The following USP13 variants were observed in gnomAD, a reference collection of about 807,000 sequenced individuals.
USP13 encodes ubiquitin carboxyl-terminal hydrolase 13.
A neutral mutation model predicts 107.8 loss-of-function variants in USP13; 68 were observed. The observed-to-expected ratio is 0.63, with a 90% CI of 0.52 to 0.77. USP13 has a LOEUF of 0.77. Ranked by LOEUF, USP13 falls within the 30% of genes least tolerant of loss-of-function variation. USP13 has a pLI of 0.00. For synonymous variants in USP13, 377 were observed against 389.5 expected (o/e 0.97, Z 0.38); for missense variants, 945 against 1,093.3 (o/e 0.86, Z 1.91).
intron 19 of USP13, among the ~76,000 whole-genome samples, chr3:179,768,918 A>T (rs1247695045): frequency 6.6e-6 from 1 of 152,212 alleles, no homozygotes; most frequent in Admixed American, 6.5e-5. Context: ...TTGTAAAAAA[A>T]TTAACACTTA....
At position 179,745,055 on chromosome 3, in the gene USP13, C is replaced by G. The variant is rs1174700205; in HGVS notation, c.1547C>G (p.Ala516Gly). 6.2e-7 allele frequency: 1 copy of G among 1,614,138 alleles called. No individual in the cohort carries two copies. Among genetic ancestry groups the G allele is most frequent in the South Asian group, 1.1e-5 (1 of 91,082 alleles). The change falls in exon 13 of 21, where the codon GCT becomes GGT. Residue 516 changes from alanine to glycine, a missense_variant. Coordinates refer to ENST00000263966, the MANE Select transcript of USP13 (RefSeq NM_003940.3). ...EAATNKDELI[A>G]YELTRREAEA... Reference sequence around the variant, plus strand: ...CTCTTTCACCCAGATGAACTGATCGCTTATGAACTAACGAGAAGGGAAGCA... The same window carrying G: ...CTCTTTCACCCAGATGAACTGATCGGTTATGAACTAACGAGAAGGGAAGCA...
intron 6 of USP13, among the ~76,000 whole-genome samples, chr3:179,716,235 T>A (rs1016609777): frequency 6.6e-6 from 1 of 151,882 alleles, no homozygotes; most frequent in Non-Finnish European, 1.5e-5. Context: ...TCCATAGTTT[T>A]AACACAAGGA....
At position 179,653,445 on chromosome 3, in the gene USP13, T is replaced by G; in HGVS notation, c.168+52T>G. ...CGCGGGGCCGGCGGCCTGCGGCACG[T>G]GAAGCCGGGGGAGAAGATGCGCAGT... On this transcript the variant is annotated intron_variant, in intron 1 of 20. Transcript: ENST00000263966. The surrounding 1 kb of genome is among the most constrained non-coding windows in gnomAD (Gnocchi z 4.0). 1.3e-6 allele frequency: 2 copies of G among 1,529,236 alleles called. No homozygotes were observed. The highest frequency in any genetic ancestry group is 5.1e-5 in the East Asian group (2 of 39,580). The allele number at this position is 1,529,236 out of a possible 1,614,324, so 94.7% of individuals were successfully genotyped here. A position where few individuals can be genotyped will look rare whatever the true frequency, so the allele number is the denominator to read the frequency against.
chr3:179,764,304 G>A, intron 18 of USP13, 136 bp downstream of exon 18: 1 of 1,306,614 alleles, frequency 7.7e-7, no homozygotes, highest in African/African-American at 1.5e-5. Context: ...TCTCATCATA[G>A]CCCATAAAGA....
chr3:179,682,808 C>T (rs1234964266), intron 2 of USP13, among the ~76,000 whole-genome samples: 1 of 152,088 alleles, frequency 6.6e-6, no homozygotes, highest in Non-Finnish European at 1.5e-5. Context: ...GGTACATGTG[C>T]CAGAGTTCTT....
At chr3:179,777,443 C>CTTTTTT (rs11317182) in intron 19 of USP13, among the ~76,000 whole-genome samples, 8 of 113,674 alleles carry the variant, frequency 7.0e-5, no homozygotes, top group Non-Finnish European at 8.7e-5. Context: ...CTCTCTCTCT[C>CTTTTTT]TTTTTTTTTT....
At chr3:179,749,182 A>G (rs1335226351) in intron 13 of USP13, among the ~76,000 whole-genome samples, 2 of 152,188 alleles carry the variant, frequency 1.3e-5, no homozygotes, top group Non-Finnish European at 2.9e-5. Flanking sequence ...TTTCTCAATA[A>G]AATCTTTATC....
At chr3:179,749,190 A>G (rs994594284) in intron 13 of USP13, among the ~76,000 whole-genome samples, 1 of 152,160 alleles carries the variant, frequency 6.6e-6, no homozygotes, top group Non-Finnish European at 1.5e-5. Flanking sequence ...TAAAATCTTT[A>G]TCGTATTTTT....
chr3:179,744,742 A>G (rs967005888), intron 12 of USP13, among the ~76,000 whole-genome samples: 8 of 152,194 alleles, frequency 5.3e-5, no homozygotes, highest in African/African-American at 1.9e-4. Context: ...GGGCATTTAT[A>G]TCACACACAT....
rs374896625 is a variant in USP13, at chr3:179,653,236, G to C, written c.11G>C (p.Arg4Pro). The change falls in exon 1 of 21, where the codon CGG becomes CCG. Residue 4 changes from arginine (R) to proline (P), a missense_variant. Transcript: ENST00000263966. The surrounding 1 kb of genome is among the most constrained non-coding windows in gnomAD (Gnocchi z 4.0). MQR[R>P]GALFGMPGGS... ...GTGCGCGCCGAGGCCATGCAGCGCC[G>C]GGGCGCCCTGTTCGGCATGCCGGGC... 4 of 1,547,270 alleles carry C rather than the reference G, an allele frequency of 2.6e-6. No individual in the cohort carries two copies. The Admixed American group carries it at 5.9e-5, about 23-fold the overall frequency.
chr3:179,657,762 CAAAAAAAAAAA>C (rs35377039), intron 1 of USP13, among the ~76,000 whole-genome samples: 2 of 73,832 alleles, frequency 2.7e-5, no homozygotes, highest in Non-Finnish European at 5.0e-5. Context: ...AATTCCGTCT[CAAAAAAAAAAA>C]AAAAAAAAAA....
chr3:179,755,487 A>G (rs1327794167), intron 15 of USP13, among the ~76,000 whole-genome samples: 1 of 151,746 alleles, frequency 6.6e-6, no homozygotes, highest in Non-Finnish European at 1.5e-5. Flanking sequence ...ATTAGTAGAG[A>G]TGGGGTTTCA....
intron 1 of USP13, among the ~76,000 whole-genome samples, chr3:179,681,304 C>T (rs761956768): frequency 3.9e-5 from 6 of 152,108 alleles, no homozygotes; most frequent in Non-Finnish European, 8.8e-5. Context: ...GACCGAGAGG[C>T]AGCTAACGCT....
chr3:179,726,168 C>G (rs1251992625), intron 8 of USP13, among the ~76,000 whole-genome samples: 1 of 152,088 alleles, frequency 6.6e-6, no homozygotes, highest in East Asian at 1.9e-4. Flanking sequence ...TGTCAACAGG[C>G]TTGAGAAGGA....
intron 2 of USP13, among the ~76,000 whole-genome samples, chr3:179,684,553 G>T (rs1045739148): frequency 6.6e-6 from 1 of 151,788 alleles, no homozygotes; most frequent in African/African-American, 2.4e-5. Context: ...GTGCTCCTGA[G>T]CCTAAGCAAT....
At chr3:179,695,877 CTG>C in intron 3 of USP13, among the ~76,000 whole-genome samples, 1 of 152,292 alleles carries the variant, frequency 6.6e-6, no homozygotes, top group Non-Finnish European at 1.5e-5. Context: ...GGCTCCCAAA[CTG>C]TGTTCTGAGG....
At chr3:179,748,646 T>C (rs1324318526) in intron 13 of USP13, among the ~76,000 whole-genome samples, 2 of 152,236 alleles carry the variant, frequency 1.3e-5, no homozygotes, top group African/African-American at 4.8e-5. Context: ...TCACTTAGTA[T>C]ATTCTAGGCA....
At chr3:179,772,697 G>A (rs571479066) in intron 19 of USP13, among the ~76,000 whole-genome samples, 63 of 152,352 alleles carry the variant, frequency 4.1e-4, no homozygotes, top group Middle Eastern at 6.8e-3. Flanking sequence ...AAGTTAAGAG[G>A]CAGCCACTCT....
At chr3:179,752,920 A>G (rs2108525526) in intron 14 of USP13, among the ~76,000 whole-genome samples, 1 of 152,328 alleles carries the variant, frequency 6.6e-6, no homozygotes, top group South Asian at 2.1e-4. Flanking sequence ...AGACAGTAAA[A>G]CAAAAGGATG....
Sources: gnomAD v4.1 joint callset for allele counts (sites outside exome capture counted in the v4.1 genomes callset) on GRCh38, gnomAD v4.1.1 for gene constraint, Gnocchi (gnomAD v3.1) non-coding constraint, MANE v1.5 for transcripts, NCBI Gene and HGNC (gene_info 2026-07-23, HGNC 2026-07-21) for gene names.